The following PTPRD variants were observed in gnomAD, a reference collection of about 807,000 sequenced individuals.
The protein encoded by PTPRD is protein tyrosine phosphatase receptor type D.
Under a neutral mutation model 214.5 loss-of-function variants are expected in PTPRD, and 34 were observed. The ratio of observed to expected loss-of-function variants is 0.16; its 90% CI spans 0.12 to 0.21. The LOEUF (loss-of-function observed/expected upper bound fraction) is 0.21, where lower values mean the gene tolerates loss of function less well. Ranked by LOEUF, PTPRD falls within the 10% of genes least tolerant of loss-of-function variation. PTPRD has a pLI of 1.00. For synonymous variants in PTPRD, 1,128 were observed against 845.7 expected, an observed-to-expected ratio of 1.33 and a Z score of -5.79; for missense variants, 2,545 against 2,398.7, an observed-to-expected ratio of 1.06 and a Z score of -1.27.
intron 3 of PTPRD, among the ~76,000 whole-genome samples, chr9:10,252,281 G>T (rs1040957871): frequency 1.7e-4 from 26 of 152,138 alleles, no homozygotes; most frequent in African/African-American, 5.6e-4. Flanking sequence ...AAATGCAATA[G>T]TGTCTGTGTG....
At chr9:9,817,202 G>C (rs1436349447) in intron 5 of PTPRD, among the ~76,000 whole-genome samples, 1 of 152,074 alleles carries the variant, frequency 6.6e-6, no homozygotes, top group Non-Finnish European at 1.5e-5. Context: ...AGACTAACTT[G>C]AAAAATAAAT....
chr9:9,346,314 G>A (rs988214882), intron 9 of PTPRD, among the ~76,000 whole-genome samples: 1 of 152,088 alleles, frequency 6.6e-6, no homozygotes, highest in African/African-American at 2.4e-5. Flanking sequence ...AAATATGGGA[G>A]GGTCAATATT....
chr9:9,879,957 T>G (rs952276685), intron 5 of PTPRD, among the ~76,000 whole-genome samples: 1 of 152,172 alleles, frequency 6.6e-6, no homozygotes, highest in Non-Finnish European at 1.5e-5. Context: ...AGTAAAAACA[T>G]GTCTGAATTT....
At chr9:8,488,862 C>T (rs976221971) in intron 27 of PTPRD, among the ~76,000 whole-genome samples, 4 of 152,048 alleles carry the variant, frequency 2.6e-5, no homozygotes, top group East Asian at 1.9e-4. Context: ...TATGAAACTC[C>T]GTTGAAACGA....
intron 3 of PTPRD, among the ~76,000 whole-genome samples, chr9:10,302,927 G>T (rs923923613): frequency 1.3e-5 from 2 of 152,096 alleles, no homozygotes; most frequent in Non-Finnish European, 2.9e-5. Flanking sequence ...GACATCAATA[G>T]AACTCTCCAC....
chr9:10,381,460 G>C (rs187571505), intron 2 of PTPRD, among the ~76,000 whole-genome samples: 1 of 151,986 alleles, frequency 6.6e-6, no homozygotes, highest in Non-Finnish European at 1.5e-5. Flanking sequence ...TTTCAATAGA[G>C]TGAAATGGGT....
At chr9:10,344,429 T>A (rs1004615200) in intron 2 of PTPRD, among the ~76,000 whole-genome samples, 6 of 152,154 alleles carry the variant, frequency 3.9e-5, no homozygotes, top group Non-Finnish European at 8.8e-5. Flanking sequence ...TTGGTTACTG[T>A]AGTCTTGTAG....
At chr9:9,326,732 G>T (rs1384997593) in intron 9 of PTPRD, among the ~76,000 whole-genome samples, 3 of 150,818 alleles carry the variant, frequency 2.0e-5, no homozygotes, top group African/African-American at 4.9e-5. Flanking sequence ...GAAGGTAGAA[G>T]AATCTCAAAC....
intron 10 of PTPRD, among the ~76,000 whole-genome samples, chr9:9,172,567 T>G (rs1339575584): frequency 6.6e-6 from 1 of 152,156 alleles, no homozygotes; most frequent in Non-Finnish European, 1.5e-5. Context: ...TATAATTGTT[T>G]ATTTAATTGG....
At chr9:10,194,321 T>C (rs1205415644) in intron 3 of PTPRD, among the ~76,000 whole-genome samples, 2 of 52,254 alleles carry the variant, frequency 3.8e-5, no homozygotes, top group Non-Finnish European at 3.9e-5. Flanking sequence ...GCTATTCATA[T>C]ATATATATAT....
At chr9:8,421,689 G>A (rs1264540986) in intron 35 of PTPRD, among the ~76,000 whole-genome samples, 1 of 151,942 alleles carries the variant, frequency 6.6e-6, no homozygotes, top group Non-Finnish European at 1.5e-5. Flanking sequence ...CAACTCCTCA[G>A]TGCCCTTAGT....
chr9:9,261,147 G>A (rs1169199217), intron 9 of PTPRD, among the ~76,000 whole-genome samples: 4 of 151,910 alleles, frequency 2.6e-5, no homozygotes, highest in African/African-American at 9.6e-5. Context: ...CACAAGGCCT[G>A]TTTACGAGTG....
chr9:9,545,221 A>G (rs2154277025), intron 8 of PTPRD, among the ~76,000 whole-genome samples: 1 of 151,848 alleles, frequency 6.6e-6, no homozygotes, highest in South Asian at 2.1e-4. Flanking sequence ...GGTTTAGACA[A>G]ATGTATAACG....
intron 3 of PTPRD, among the ~76,000 whole-genome samples, chr9:10,118,908 A>C (rs759966827): frequency 6.0e-5 from 9 of 151,220 alleles, no homozygotes; most frequent in Non-Finnish European, 8.9e-5. Flanking sequence ...ATAATAATAA[A>C]GGAGATGAAG....
At chr9:10,359,310 G>A (rs2097334170) in intron 2 of PTPRD, among the ~76,000 whole-genome samples, 1 of 151,942 alleles carries the variant, frequency 6.6e-6, no homozygotes, top group Admixed American at 6.6e-5. Flanking sequence ...AAGCCATGTA[G>A]TAAAGAAGAG....
At chr9:9,668,964 A>C (rs1157673163) in intron 7 of PTPRD, among the ~76,000 whole-genome samples, 1 of 152,158 alleles carries the variant, frequency 6.6e-6, no homozygotes, top group Non-Finnish European at 1.5e-5. Context: ...TTGATTAGCT[A>C]CTGTAGTGGG....
chr9:8,635,374 A>G (rs1227579005), intron 13 of PTPRD, among the ~76,000 whole-genome samples: 4 of 151,854 alleles, frequency 2.6e-5, no homozygotes, highest in African/African-American at 9.7e-5. Flanking sequence ...AAAGATGCAT[A>G]CATACATCAT....
chr9:10,273,199 T>A (rs2094511273), intron 3 of PTPRD, among the ~76,000 whole-genome samples: 1 of 152,166 alleles, frequency 6.6e-6, no homozygotes, highest in African/African-American at 2.4e-5. Context: ...ACATGAGAGC[T>A]TGGAAATGCC....
intron 8 of PTPRD, among the ~76,000 whole-genome samples, chr9:9,509,203 C>T (rs2096641045): frequency 6.6e-6 from 1 of 151,284 alleles, no homozygotes; most frequent in South Asian, 2.1e-4. Flanking sequence ...CTGTAAAATA[C>T]ACATATATCT....
Sources: gnomAD v4.1 joint callset for allele counts (sites outside exome capture counted in the v4.1 genomes callset) on GRCh38, gnomAD v4.1.1 for gene constraint, MANE v1.5 for transcripts, NCBI Gene and HGNC (gene_info 2026-07-23, HGNC 2026-07-21) for gene names.